Variants in JAM2 observed in about 807,000 individuals in gnomAD.
JAM2 encodes the protein junctional adhesion molecule 2.
A neutral mutation model predicts 42.0 loss-of-function variants in JAM2; 17 were observed. That is an observed-to-expected ratio of 0.40 (90% CI 0.28 to 0.61). The LOEUF (loss-of-function observed/expected upper bound fraction) is 0.61, where lower values mean the gene tolerates loss of function less well. Among genes scored for constraint, JAM2 ranks in the 20% least tolerant of loss-of-function variants. The pLI, the probability that JAM2 is intolerant of heterozygous loss-of-function variation, is 0.37. For missense variants in JAM2, 319 were observed against 358.3 expected, an observed-to-expected ratio of 0.89 and a Z score of 0.89; for synonymous variants, 118 against 128.6, an observed-to-expected ratio of 0.92 and a Z score of 0.56.
chr21:25,640,825 CTT>C (rs1491178089), intron 1 of JAM2, among the ~76,000 whole-genome samples: 4 of 151,414 alleles, frequency 2.6e-5, no homozygotes, highest in Non-Finnish European at 4.4e-5. Context: ...TTCTCTCTCT[CTT>C]TCTTTCTGTC....
chr21:25,678,133 T>G (rs1490107686), intron 1 of JAM2, among the ~76,000 whole-genome samples: 2 of 152,068 alleles, frequency 1.3e-5, no homozygotes, highest in African/African-American at 4.8e-5. Flanking sequence ...GGCTGAGGCA[T>G]GAGAATCATT....
At chr21:25,666,875 A>C (rs921502718) in intron 1 of JAM2, among the ~76,000 whole-genome samples, 1 of 152,164 alleles carries the variant, frequency 6.6e-6, no homozygotes, top group Non-Finnish European at 1.5e-5. Flanking sequence ...CTAGAAAAAT[A>C]TTTTAGGAAT....
At chr21:25,643,022 C>T (rs538755045) in intron 1 of JAM2, among the ~76,000 whole-genome samples, 3 of 152,312 alleles carry the variant, frequency 2.0e-5, no homozygotes, top group Middle Eastern at 3.4e-3. Flanking sequence ...TCTTTGTAAG[C>T]GCACTGTTGT....
intron 1 of JAM2, among the ~76,000 whole-genome samples, chr21:25,656,287 C>A (rs1426522108): frequency 6.6e-6 from 1 of 152,134 alleles, no homozygotes; most frequent in Non-Finnish European, 1.5e-5. Flanking sequence ...CCCCCAGGCT[C>A]CTTCTAAACA....
intron 1 of JAM2, among the ~76,000 whole-genome samples, chr21:25,676,558 T>C (rs1229792726): frequency 6.6e-6 from 1 of 152,184 alleles, no homozygotes; most frequent in African/African-American, 2.4e-5. Flanking sequence ...CTTGGAGTTG[T>C]TAGCAGTTAT....
intron 6 of JAM2, among the ~76,000 whole-genome samples, chr21:25,703,876 G>A (rs1249294484): frequency 6.6e-6 from 1 of 151,760 alleles, no homozygotes; most frequent in Non-Finnish European, 1.5e-5. Context: ...ATGGTGAACA[G>A]GATGTAAGAA....
chr21:25,685,850 C>G (rs2033740829), intron 2 of JAM2, among the ~76,000 whole-genome samples: 1 of 152,078 alleles, frequency 6.6e-6, no homozygotes, highest in African/African-American at 2.4e-5. Flanking sequence ...CCCTGAGGGA[C>G]CAAGGAAGTG....
intron 1 of JAM2, among the ~76,000 whole-genome samples, chr21:25,651,234 G>A (rs1445378903): frequency 6.6e-6 from 1 of 152,060 alleles, no homozygotes; most frequent in African/African-American, 2.4e-5. Context: ...TATTATCACT[G>A]ATATAAAAGG....
chr21:25,713,268 C>T (rs956262221), intron 9 of JAM2, among the ~76,000 whole-genome samples: 13 of 152,152 alleles, frequency 8.5e-5, no homozygotes, highest in Admixed American at 3.3e-4. Flanking sequence ...TTTGAAAAGA[C>T]GCAGTAATTA....
Position 25,714,732 on chromosome 21 carries a change from T to A in JAM2, c.*60T>A. 1 of 1,126,092 alleles carries A rather than the reference T, an allele frequency of 8.9e-7. No homozygotes were observed. The highest frequency in any genetic ancestry group is 1.2e-6 in the Non-Finnish European group (1 of 803,048). 69.8% of individuals were successfully genotyped at this position (1,126,092 alleles called of 1,614,324 possible). ...TGTTACACAAGTTATTAAACTATTA[T>A]AAAACTCTGCTTTGTCCGACATTTG... On this transcript the variant is annotated 3_prime_UTR_variant, in exon 10 of 10. Coordinates refer to ENST00000480456, the MANE Select transcript of JAM2 (RefSeq NM_021219.4).
chr21:25,677,216 A>G (rs1228571030), intron 1 of JAM2, among the ~76,000 whole-genome samples: 1 of 152,184 alleles, frequency 6.6e-6, no homozygotes, highest in East Asian at 1.9e-4. Flanking sequence ...AAAAAAGGAA[A>G]TAAATATTCA....
chr21:25,699,572 A>T (rs1319770437), intron 5 of JAM2, among the ~76,000 whole-genome samples: 1 of 151,454 alleles, frequency 6.6e-6, no homozygotes, highest in African/African-American at 2.4e-5. Context: ...AATACAAAAG[A>T]CTTAGCCGGG....
At chr21:25,667,103 A>G (rs749282216) in intron 1 of JAM2, among the ~76,000 whole-genome samples, 3 of 152,190 alleles carry the variant, frequency 2.0e-5, no homozygotes, top group African/African-American at 4.8e-5. Context: ...CCTTTTTGCA[A>G]TTTTACCCGT....
intron 5 of JAM2, among the ~76,000 whole-genome samples, chr21:25,699,583 C>T (rs1315649403): frequency 2.0e-5 from 3 of 151,856 alleles, no homozygotes; most frequent in East Asian, 1.9e-4. Context: ...CTTAGCCGGG[C>T]GTGGTGGCGG....
chr21:25,682,773 A>G (rs2033664064), intron 1 of JAM2, among the ~76,000 whole-genome samples: 1 of 152,162 alleles, frequency 6.6e-6, no homozygotes, highest in Non-Finnish European at 1.5e-5. Context: ...TGGTGGAGGT[A>G]GCTTTCAGCA....
chr21:25,682,694 T>C (rs140244235), intron 1 of JAM2, among the ~76,000 whole-genome samples: 114 of 152,306 alleles, frequency 7.5e-4, no homozygotes, highest in Non-Finnish European at 1.4e-3. Context: ...TATCCTGAGC[T>C]CTTGCCCAGC....
At chr21:25,697,950 C>T (rs1328793191) in intron 4 of JAM2, among the ~76,000 whole-genome samples, 2 of 150,792 alleles carry the variant, frequency 1.3e-5, no homozygotes, top group Non-Finnish European at 3.0e-5. Flanking sequence ...CACACACACA[C>T]ACTCTCTCTC....
At chr21:25,683,463 G>A (rs193150927) in intron 1 of JAM2, among the ~76,000 whole-genome samples, 2 of 152,142 alleles carry the variant, frequency 1.3e-5, no homozygotes, top group Non-Finnish European at 2.9e-5. Context: ...TATATGACAT[G>A]GGTATTGTCA....
At chr21:25,706,900 C>T (rs895995206) in intron 7 of JAM2, among the ~76,000 whole-genome samples, 4 of 152,010 alleles carry the variant, frequency 2.6e-5, no homozygotes, top group South Asian at 2.1e-4. Flanking sequence ...CCACCACGCC[C>T]GGCTAATTTT....
Sources: allele counts gnomAD v4.1 joint callset (sites outside exome capture counted in the v4.1 genomes callset), GRCh38; gene constraint gnomAD v4.1.1; transcripts MANE v1.5; gene names NCBI Gene and HGNC (gene_info 2026-07-23, HGNC 2026-07-21).